The following SMAD4 variants were observed in gnomAD, a reference collection of about 807,000 sequenced individuals.
The protein encoded by SMAD4 is MAD homolog 4.
A neutral mutation model predicts 63.2 loss-of-function variants in SMAD4; 7 were observed. The ratio of observed to expected loss-of-function variants is 0.11; its 90% CI spans 0.06 to 0.21. The LOEUF (loss-of-function observed/expected upper bound fraction) is 0.21, where lower values mean the gene tolerates loss of function less well. Ranked by LOEUF, SMAD4 falls within the 10% of genes least tolerant of loss-of-function variation. SMAD4 has a pLI of 1.00. For synonymous variants in SMAD4, 215 were observed against 235.4 expected (o/e 0.91, Z 0.79); for missense variants, 312 against 693.8 (o/e 0.45, Z 6.18).
In SMAD4 at chr18:51,079,651, T is replaced by C. The variant is rs375691219; in HGVS notation, c.*1184T>C. On this transcript the variant is annotated 3_prime_UTR_variant, in exon 12 of 12. Transcript: ENST00000342988. ...AAGCCCTTTGCCATCAATGATCATA[T>C]CAATTGGCAGTGACTTTGTATAGAG... The C allele has an allele frequency of 3.4e-5, 8 of 233,464 alleles. No homozygotes were observed. The highest frequency in any genetic ancestry group is 1.5e-4 in the African/African-American group (7 of 45,468). 14.5% of individuals were successfully genotyped at this position (233,464 alleles called of 1,614,324 possible). A position where few individuals can be genotyped will look rare whatever the true frequency, so the allele number is the denominator to read the frequency against.
intron 10 of SMAD4, among the ~76,000 whole-genome samples, chr18:51,069,094 A>G (rs1910247790): frequency 1.3e-5 from 2 of 152,014 alleles, no homozygotes; most frequent in African/African-American, 2.4e-5. Flanking sequence ...TCCACAAGTA[A>G]TTTCTGTATT....
chr18:51,030,462 G>A lies in SMAD4; in HGVS notation c.-289G>A, dbSNP rs1481373437. ...CCGGGAGCTCGAGGCGGTCCGGCCC[G>A]CGCGGGCAGCGGCGCGGCGCTGAGG... On this transcript the variant is annotated 5_prime_UTR_variant, in exon 1 of 12. Transcript: ENST00000342988. The A allele has an allele frequency of 1.3e-5, 2 of 150,550 alleles. No individual in the cohort carries two copies. Among genetic ancestry groups the A allele is most frequent in the Non-Finnish European group, 3.0e-5 (2 of 67,534 alleles). The allele number at this position is 150,550 out of a possible 1,614,324, so 9.3% of individuals were successfully genotyped here.
chr18:51,078,919 C>T lies in SMAD4; in HGVS notation c.*452C>T, dbSNP rs1216845398. 1 of 236,958 alleles carries T rather than the reference C, an allele frequency of 4.2e-6. No homozygotes were observed. Among genetic ancestry groups the T allele is most frequent in the African/African-American group, 2.2e-5 (1 of 45,398 alleles). 14.7% of individuals were successfully genotyped at this position (236,958 alleles called of 1,614,324 possible). On this transcript the variant is annotated 3_prime_UTR_variant, in exon 12 of 12. Transcript: ENST00000342988. ...CAAGTTGTTATTGTTGAACATACTTCAAAAATAATGTGCCATGTGGGTGAG... is the reference window on the plus strand; with the variant it reads ...CAAGTTGTTATTGTTGAACATACTTTAAAAATAATGTGCCATGTGGGTGAG...
chr18:51,031,725 A>G (rs779518370), intron 1 of SMAD4, among the ~76,000 whole-genome samples: 8 of 150,418 alleles, frequency 5.3e-5, no homozygotes, highest in Non-Finnish European at 1.0e-4. Flanking sequence ...GCTGGCAAAA[A>G]CCATTTAGTA....
At chr18:51,040,554 AAACT>A (rs1363546360) in intron 1 of SMAD4, among the ~76,000 whole-genome samples, 3 of 152,068 alleles carry the variant, frequency 2.0e-5, no homozygotes, top group African/African-American at 7.3e-5. Flanking sequence ...ATTCAAAAGT[AAACT>A]AACATCTGAG....
At chr18:51,046,648 C>T (rs1458057807) in intron 1 of SMAD4, among the ~76,000 whole-genome samples, 1 of 151,990 alleles carries the variant, frequency 6.6e-6, no homozygotes, top group Non-Finnish European at 1.5e-5. Flanking sequence ...CTTGATTGAG[C>T]ATGCCACTAT....
chr18:51,084,621 C>T lies in SMAD4; in HGVS notation c.*6154C>T. Reference sequence around the variant, plus strand: ...TGTCATTGATAGAAGGACTCACGGGCTTGGATTGATTAAGACTAAACATGG... The same window carrying T: ...TGTCATTGATAGAAGGACTCACGGGTTTGGATTGATTAAGACTAAACATGG... On this transcript the variant is annotated 3_prime_UTR_variant, in exon 12 of 12. Transcript: ENST00000342988. The T allele has an allele frequency of 4.3e-6, 1 of 229,974 alleles. No individual in the cohort carries two copies. The highest frequency in any genetic ancestry group is 8.6e-6 in the Non-Finnish European group (1 of 116,000). The allele number at this position is 229,974 out of a possible 1,614,324, so 14.2% of individuals were successfully genotyped here.
At chr18:51,066,860 A>G (rs540120533) in intron 9 of SMAD4, 159 bp from the exon 10 acceptor site, 12 of 626,978 alleles carry the variant, frequency 1.9e-5, no homozygotes, top group Non-Finnish European at 3.1e-5. Flanking sequence ...TGAACAGGAA[A>G]AGAAAAAAGG....
chr18:51,073,112 C>G (rs1054499105), intron 10 of SMAD4, among the ~76,000 whole-genome samples: 1 of 151,932 alleles, frequency 6.6e-6, no homozygotes, highest in African/African-American at 2.4e-5. Context: ...TTTACTGCAT[C>G]TACAGATGCA....
intron 1 of SMAD4, among the ~76,000 whole-genome samples, chr18:51,035,323 C>G (rs572542447): frequency 1.3e-5 from 2 of 152,096 alleles, no homozygotes; most frequent in African/African-American, 4.8e-5. Flanking sequence ...AGTATATTCT[C>G]AAATGCTTAC....
At chr18:51,066,813 TAGTA>T (rs1241025841) in intron 9 of SMAD4, 10 of 542,106 alleles carry the variant, frequency 1.8e-5, no homozygotes, top group African/African-American at 1.1e-4. Context: ...TCCTGACACA[TAGTA>T]AGTGTTGTAA....
intron 10 of SMAD4, among the ~76,000 whole-genome samples, chr18:51,073,601 G>T (rs907817068): frequency 1.3e-5 from 2 of 151,684 alleles, no homozygotes; most frequent in African/African-American, 4.8e-5. Flanking sequence ...TGCCATCTTG[G>T]CTCACTGCAA....
At chr18:51,040,412 ACT>A (rs1909340666) in intron 1 of SMAD4, among the ~76,000 whole-genome samples, 3 of 142,964 alleles carry the variant, frequency 2.1e-5, no homozygotes, top group African/African-American at 5.2e-5. Context: ...CCACAGTGAA[ACT>A]CTGTCTCAAA....
intron 4 of SMAD4, among the ~76,000 whole-genome samples, chr18:51,050,625 C>T (rs1192369958): frequency 6.6e-6 from 1 of 150,632 alleles, no homozygotes; most frequent in Non-Finnish European, 1.5e-5. Context: ...TGGCACTGCA[C>T]TCCAGCCTGG....
intron 4 of SMAD4, among the ~76,000 whole-genome samples, chr18:51,050,619 A>T (rs528721013): frequency 3.3e-5 from 5 of 151,476 alleles, no homozygotes; most frequent in African/African-American, 1.2e-4. Context: ...AGATAGTGGC[A>T]CTGCACTCCA....
At chr18:51,050,487 G>A (rs532651926) in intron 4 of SMAD4, among the ~76,000 whole-genome samples, 205 of 151,762 alleles carry the variant, frequency 1.4e-3, no homozygotes, top group African/African-American at 4.1e-3. Context: ...GTGAAACCCC[G>A]TCTCTACTAA....
chr18:51,069,750 T>C (rs146360161), intron 10 of SMAD4, among the ~76,000 whole-genome samples: 2 of 152,362 alleles, frequency 1.3e-5, no homozygotes, highest in East Asian at 3.9e-4. Flanking sequence ...CTAGGTGTAC[T>C]TCTGAATTGG....
chr18:51,047,254 A>C lies in SMAD4; in HGVS notation c.208A>C (p.Lys70Gln). ...AACTACAAATGGAGCTCATCCTAGTAAATGTGTTACCATACAGAGAACATT... is the reference window on the plus strand; with the variant it reads ...AACTACAAATGGAGCTCATCCTAGTCAATGTGTTACCATACAGAGAACATT... ...AITTNGAHPS[K>Q]CVTIQRTLDG... Residue 70 changes from lysine to glutamine, a missense_variant, in exon 2 of 12, where the codon AAA becomes CAA. Coordinates refer to ENST00000342988, the MANE Select transcript of SMAD4 (RefSeq NM_005359.6). The C allele has an allele frequency of 6.2e-7, 1 of 1,613,936 alleles. No individual in the cohort carries two copies. The highest frequency in any genetic ancestry group is 1.1e-5 in the South Asian group (1 of 91,072).
At chr18:51,039,834 T>C (rs1909320836) in intron 1 of SMAD4, among the ~76,000 whole-genome samples, 1 of 152,118 alleles carries the variant, frequency 6.6e-6, no homozygotes, top group African/African-American at 2.4e-5. Context: ...TTAAGACACA[T>C]AGGTAAACAA....
Sources: gnomAD v4.1 joint callset for allele counts (sites outside exome capture counted in the v4.1 genomes callset) on GRCh38, gnomAD v4.1.1 for gene constraint, MANE v1.5 for transcripts, NCBI Gene and HGNC (gene_info 2026-07-23, HGNC 2026-07-21) for gene names.